Variants in SEZ6L observed in about 807,000 individuals in gnomAD.
The protein encoded by SEZ6L is seizure 6-like protein.
A neutral mutation model predicts 106.2 loss-of-function variants in SEZ6L; 37 were observed. The ratio of observed to expected loss-of-function variants is 0.35; its 90% CI spans 0.27 to 0.46. The LOEUF (loss-of-function observed/expected upper bound fraction) is 0.46. Among genes scored for constraint, SEZ6L ranks in the 20% least tolerant of loss-of-function variants. The pLI is 1.00. For missense variants in SEZ6L, 1,172 were observed against 1,332.8 expected (o/e 0.88, Z 1.88); for synonymous variants, 541 against 570.4 (o/e 0.95, Z 0.73).
chr22:26,303,757 G>T (rs2081525020), intron 5 of SEZ6L, among the ~76,000 whole-genome samples: 1 of 152,192 alleles, frequency 6.6e-6, no homozygotes, highest in African/African-American at 2.4e-5. Context: ...CCTAGCTTTT[G>T]TGGAACCTAC....
intron 15 of SEZ6L, 93 bp from the exon 16 acceptor site, chr22:26,377,580 T>C: frequency 2.0e-6 from 2 of 999,516 alleles, no homozygotes; most frequent in Non-Finnish European, 3.2e-6. Context: ...GAGGTGCCGC[T>C]GCTCAGGAAG....
At chr22:26,240,090 ACT>A (rs1491339081) in intron 1 of SEZ6L, among the ~76,000 whole-genome samples, 1,692 of 110,098 alleles carry the variant, frequency 0.015, 14 homozygotes, top group Middle Eastern at 0.069. Flanking sequence ...ACACACACAC[ACT>A]CACACACACA....
At position 26,301,076 on chromosome 22, in the gene SEZ6L, T is replaced by G. The variant is rs138157619; in HGVS notation, c.1348+1907T>G. Among the ~76,000 whole-genome samples, 930 of 152,362 alleles carry G rather than the reference T, an allele frequency of 6.1e-3. 9 individuals are homozygous for G. Among genetic ancestry groups the G allele is most frequent in the African/African-American group, 0.021 (883 of 41,568 alleles). On this transcript the variant is annotated intron_variant, in intron 5 of 16. Transcript: ENST00000248933. Reference sequence around the variant, plus strand: ...ACACCGTGCCAGAGGCTGCATTTAATCCTCACAGCAATGCCATAGGATGGG... The same window carrying G: ...ACACCGTGCCAGAGGCTGCATTTAAGCCTCACAGCAATGCCATAGGATGGG...
intron 1 of SEZ6L, among the ~76,000 whole-genome samples, chr22:26,237,126 C>A (rs1282692861): frequency 6.6e-6 from 1 of 152,194 alleles, no homozygotes; most frequent in East Asian, 1.9e-4. Context: ...GACTTCCCCA[C>A]TTCCCCTCCC....
chr22:26,370,732 G>A (rs891060282), intron 13 of SEZ6L, among the ~76,000 whole-genome samples: 1 of 151,990 alleles, frequency 6.6e-6, no homozygotes, highest in Admixed American at 6.6e-5. Context: ...GGCTGGGTGT[G>A]GTGGCTTACA....
chr22:26,313,463 ACC>A (rs1569458656), intron 8 of SEZ6L, among the ~76,000 whole-genome samples: 1 of 151,954 alleles, frequency 6.6e-6, no homozygotes, highest in Non-Finnish European at 1.5e-5. Context: ...AGTCATTCTG[ACC>A]ACTGAGCTCT....
intron 1 of SEZ6L, among the ~76,000 whole-genome samples, chr22:26,176,796 A>G (rs572989906): frequency 6.6e-6 from 1 of 152,204 alleles, no homozygotes; most frequent in Non-Finnish European, 1.5e-5. Context: ...GTAAACTTCT[A>G]TTCATCCTTC....
chr22:26,279,838 T>G (rs2080702192), intron 1 of SEZ6L, among the ~76,000 whole-genome samples: 1 of 152,214 alleles, frequency 6.6e-6, no homozygotes, highest in South Asian at 2.1e-4. Flanking sequence ...GGAGAGAAGC[T>G]GATTTCCCTG....
chr22:26,313,639 G>A, intron 8 of SEZ6L, 125 bp from the exon 9 acceptor site: 2 of 1,084,012 alleles, frequency 1.8e-6, no homozygotes, highest in Non-Finnish European at 2.7e-6. Context: ...CCGAGGTGAA[G>A]ACACCTGTCC....
At chr22:26,221,769 C>G (rs1273243991) in intron 1 of SEZ6L, among the ~76,000 whole-genome samples, 2 of 152,040 alleles carry the variant, frequency 1.3e-5, no homozygotes, top group Admixed American at 1.3e-4. Flanking sequence ...CACACACACA[C>G]ACACTCCCTA....
chr22:26,326,818 G>A (rs2082318584), intron 9 of SEZ6L, among the ~76,000 whole-genome samples: 1 of 152,238 alleles, frequency 6.6e-6, no homozygotes, highest in South Asian at 2.1e-4. Context: ...AGGCAGAGGG[G>A]CAGCAGCATT....
intron 16 of SEZ6L, among the ~76,000 whole-genome samples, chr22:26,379,279 C>T (rs2084335254): frequency 6.6e-6 from 1 of 152,212 alleles, no homozygotes; most frequent in Non-Finnish European, 1.5e-5. Flanking sequence ...TCTTGCAAGA[C>T]AGAAGTCACA....
In SEZ6L at chr22:26,258,157, G is replaced by A. The variant is rs547910910; in HGVS notation, c.95-34249G>A. On this transcript the variant is annotated intron_variant, in intron 1 of 16. Transcript: ENST00000248933. ...TATGGAGGAGAGACCAGAGGAGAAG[G>A]TACAGCCTCTACCTTTGAAATACAC... Among the ~76,000 whole-genome samples the A allele has an allele frequency of 1.6e-3, 249 of 152,240 alleles. 1 individual carries two copies. The highest frequency in any genetic ancestry group is 2.6e-3 in the Non-Finnish European group (174 of 68,002).
At chr22:26,219,807 G>A (rs1041552003) in intron 1 of SEZ6L, among the ~76,000 whole-genome samples, 4 of 152,162 alleles carry the variant, frequency 2.6e-5, no homozygotes, top group Non-Finnish European at 4.4e-5. Context: ...GAGGGAGGTA[G>A]GGGAGGGAGA....
At position 26,320,917 on chromosome 22, in the gene SEZ6L, CA is replaced by C. The variant is rs1437303652; in HGVS notation, c.2015+7016del. ...GCTATGCATCCTACAATGCACAGGACAGTCCCCACCACAAAGAATGAGCTGA... is the reference window on the plus strand; with the variant it reads ...GCTATGCATCCTACAATGCACAGGACGTCCCCACCACAAAGAATGAGCTGA... On this transcript the variant is annotated intron_variant, in intron 9 of 16. Transcript: ENST00000248933. Among the ~76,000 whole-genome samples, 5 of 152,300 alleles carry C rather than the reference CA, an allele frequency of 3.3e-5. No individual in the cohort carries two copies. In the East Asian group the frequency reaches 9.7e-4, roughly 29 times the overall value.
At chr22:26,373,919 C>T (rs1182143948) in intron 14 of SEZ6L, among the ~76,000 whole-genome samples, 2 of 152,138 alleles carry the variant, frequency 1.3e-5, no homozygotes, top group Admixed American at 6.5e-5. Flanking sequence ...AGTCTTTTTT[C>T]CCCTCAGCAT....
At position 26,381,752 on chromosome 22, in the gene SEZ6L, T is replaced by C; in HGVS notation, c.*1457T>C. ...GGGTGCGGGTGCATGGAAGAAATAC[T>C]ATGTGTGAAGCAGATTCACCTTCCT... On this transcript the variant is annotated 3_prime_UTR_variant, in exon 17 of 17. Coordinates refer to ENST00000248933, the MANE Select transcript of SEZ6L (RefSeq NM_021115.5). 3.7e-6 allele frequency: 1 copy of C among 267,466 alleles called. No individual in the cohort carries two copies. The highest frequency in any genetic ancestry group is 7.5e-6 in the Non-Finnish European group (1 of 133,192). The allele number at this position is 267,466 out of a possible 1,614,324, so 16.6% of individuals were successfully genotyped here.
chr22:26,260,722 C>A (rs1297748944), intron 1 of SEZ6L, among the ~76,000 whole-genome samples: 1 of 152,030 alleles, frequency 6.6e-6, no homozygotes, highest in Non-Finnish European at 1.5e-5. Context: ...CATATAATGA[C>A]CTCTTTTCTT....
chr22:26,363,025 C>T (rs1185886828), intron 12 of SEZ6L, among the ~76,000 whole-genome samples: 1 of 152,156 alleles, frequency 6.6e-6, no homozygotes. Flanking sequence ...GCAAGTACCA[C>T]GTGAAAGACA....
Sources: gnomAD v4.1 joint callset for allele counts (sites outside exome capture counted in the v4.1 genomes callset) on GRCh38, gnomAD v4.1.1 for gene constraint, MANE v1.5 for transcripts, NCBI Gene and HGNC (gene_info 2026-07-23, HGNC 2026-07-21) for gene names.